The following TNIK variants were observed in gnomAD, a reference collection of about 807,000 sequenced individuals.
TNIK encodes TRAF2 and NCK-interacting protein kinase.
Under a neutral mutation model 191.3 loss-of-function variants are expected in TNIK, and 49 were observed. The ratio of observed to expected loss-of-function variants is 0.26; its 90% CI spans 0.20 to 0.32. The LOEUF (loss-of-function observed/expected upper bound fraction) is 0.32. Among genes scored for constraint, TNIK ranks in the 10% least tolerant of loss-of-function variants. The pLI is 1.00. For synonymous variants in TNIK, 594 were observed against 600.9 expected (o/e 0.99, Z 0.17); for missense variants, 1,155 against 1,702.3 (o/e 0.68, Z 5.66).
chr3:171,142,398 G>A (rs563664979), intron 12 of TNIK, among the ~76,000 whole-genome samples: 7 of 152,332 alleles, frequency 4.6e-5, no homozygotes, highest in Admixed American at 4.6e-4. Flanking sequence ...TGGAGACACA[G>A]CCAAGAGGAA....
intron 25 of TNIK, among the ~76,000 whole-genome samples, chr3:171,084,636 G>A (rs1721113004): frequency 1.3e-5 from 2 of 152,228 alleles, no homozygotes; most frequent in Non-Finnish European, 2.9e-5. Context: ...TTTTAAAATT[G>A]CAGTTTATCA....
chr3:171,192,666 C>T (rs1738201291), intron 5 of TNIK, among the ~76,000 whole-genome samples: 1 of 152,294 alleles, frequency 6.6e-6, no homozygotes, highest in South Asian at 2.1e-4. Flanking sequence ...GCAGAACCAG[C>T]CCTAGAGACC....
In TNIK at chr3:171,130,626, A is replaced by C. The variant is rs563950610; in HGVS notation, c.1609-1748T>G. Reference sequence around the variant, plus strand: ...GCAATAGATAAACTGAGATCAAGGCATGCAATATATCACTTTTCCAAATGC... The same window carrying C: ...GCAATAGATAAACTGAGATCAAGGCCTGCAATATATCACTTTTCCAAATGC... On this transcript the variant is annotated intron_variant, in intron 15 of 32. Coordinates refer to ENST00000436636, the MANE Select transcript of TNIK (RefSeq NM_015028.4). Among the ~76,000 whole-genome samples, 12 of 152,388 alleles carry C rather than the reference A, an allele frequency of 7.9e-5. No homozygotes were observed. The South Asian group carries it at 2.3e-3, about 29-fold the overall frequency.
intron 2 of TNIK, among the ~76,000 whole-genome samples, chr3:171,229,320 C>A (rs1743332982): frequency 6.6e-6 from 1 of 152,158 alleles, no homozygotes; most frequent in African/African-American, 2.4e-5. Flanking sequence ...AAGGCAAGGA[C>A]CATGTCTCAT....
rs1371219801 is a variant in TNIK, at chr3:171,072,440, A to C, written c.3449-1117T>G. ...GCATTGAAGGAACATACCTCAAAAT[A>C]ATAAGAGCCATATATGACAAACCCA... On this transcript the variant is annotated intron_variant, in intron 28 of 32. Transcript: ENST00000436636. Among the ~76,000 whole-genome samples, 4 of 152,150 alleles carry C rather than the reference A, an allele frequency of 2.6e-5. No individual in the cohort carries two copies. In the East Asian group the frequency reaches 7.7e-4, roughly 29 times the overall value.
intron 26 of TNIK, among the ~76,000 whole-genome samples, chr3:171,083,766 G>C (rs1342040814): frequency 6.6e-6 from 1 of 152,104 alleles, no homozygotes; most frequent in Non-Finnish European, 1.5e-5. Context: ...TGCAGGATGT[G>C]GTATGGATCA....
intron 17 of TNIK, among the ~76,000 whole-genome samples, chr3:171,124,755 G>A (rs1560148413): frequency 6.6e-6 from 1 of 152,134 alleles, no homozygotes; most frequent in Admixed American, 6.5e-5. Flanking sequence ...AGACAGAAGA[G>A]CCTAACGAAT....
intron 22 of TNIK, among the ~76,000 whole-genome samples, chr3:171,096,705 C>T (rs1171668880): frequency 6.6e-6 from 1 of 152,142 alleles, no homozygotes. Flanking sequence ...GCCCTTTGTG[C>T]ATCTCTACCA....
intron 18 of TNIK, among the ~76,000 whole-genome samples, chr3:171,116,776 T>G (rs1726765831): frequency 6.6e-6 from 1 of 152,264 alleles, no homozygotes; most frequent in Non-Finnish European, 1.5e-5. Flanking sequence ...AAAGAATACA[T>G]ACATCAATGT....
Position 171,460,299 on chromosome 3 carries a change from G to A in TNIK, c.-236C>T. The A allele has an allele frequency of 1.7e-6, 1 of 592,854 alleles. No individual in the cohort carries two copies. The allele number at this position is 592,854 out of a possible 1,614,324, so 36.7% of individuals were successfully genotyped here. ...CTCCAAGCCCCGAGCAGCGGTGCGT[G>A]TGGGCTGAGCGCCCCGATCGGCTAA... On this transcript the variant is annotated 5_prime_UTR_variant, in exon 1 of 33. Transcript: ENST00000436636. This position sits in a 1 kb window ranked among gnomAD's most constrained non-coding sequence, Gnocchi z 6.8.
chr3:171,408,454 C>T lies in TNIK; in HGVS notation c.58-38769G>A, dbSNP rs75168375. On this transcript the variant is annotated intron_variant, in intron 1 of 32. Transcript: ENST00000436636. The stretch of plus-strand genomic sequence containing the variant: ...AAGGTGGCTGGAGGAAAGGGCTATC[C>T]GATTCATTCCGCCATGAAGGACTTT... Among the ~76,000 whole-genome samples the T allele has an allele frequency of 1.4e-3, 207 of 152,256 alleles. 1 individual carries two copies. The highest frequency in any genetic ancestry group is 4.8e-3 in the African/African-American group (200 of 41,544).
At chr3:171,320,006 G>C (rs1035723624) in intron 2 of TNIK, among the ~76,000 whole-genome samples, 3 of 152,156 alleles carry the variant, frequency 2.0e-5, no homozygotes, top group Admixed American at 6.5e-5. Context: ...AAGCGTAGGA[G>C]AGGAGAGTTT....
At chr3:171,287,872 T>C (rs1213891881) in intron 2 of TNIK, among the ~76,000 whole-genome samples, 1 of 152,090 alleles carries the variant, frequency 6.6e-6, no homozygotes, top group Non-Finnish European at 1.5e-5. Flanking sequence ...TGCACACGTA[T>C]GTTTATTGCG....
rs186719872 is a variant in TNIK, at chr3:171,322,655, C to T, written c.123+46965G>A. On this transcript the variant is annotated intron_variant, in intron 2 of 32. Transcript: ENST00000436636. ...CCATATACGCACATATGCAGGTAGG[C>T]AAACATACAGAAAAACACAAAATGG... 3.7e-3 allele frequency among the ~76,000 whole-genome samples: 563 copies of T among 152,100 alleles called. 1 individual carries two copies. The highest frequency in any genetic ancestry group is 5.4e-3 in the Non-Finnish European group (368 of 67,990).
At chr3:171,292,970 C>T (rs1307895329) in intron 2 of TNIK, among the ~76,000 whole-genome samples, 1 of 152,030 alleles carries the variant, frequency 6.6e-6, no homozygotes, top group African/African-American at 2.4e-5. Flanking sequence ...CTTCGGCTGC[C>T]CTGTGTCATT....
rs147869582 is a variant in TNIK at position 171,291,819 on chromosome 3, T to G, written c.124-63598A>C. Among the ~76,000 whole-genome samples the G allele has an allele frequency of 1.8e-3, 270 of 152,288 alleles. 3 individuals are homozygous for G. Among genetic ancestry groups the G allele is most frequent in the African/African-American group, 6.1e-3 (255 of 41,570 alleles). ...ATTTGGTCATTATCTCATCAATATTTTTTCTGTTCCACTCTTTCTCCTTTC... is the reference window on the plus strand; with the variant it reads ...ATTTGGTCATTATCTCATCAATATTGTTTCTGTTCCACTCTTTCTCCTTTC... On this transcript the variant is annotated intron_variant, in intron 2 of 32. Transcript: ENST00000436636.
chr3:171,126,016 G>T lies in TNIK; in HGVS notation c.1909C>A (p.Arg637Ser), dbSNP rs754231377. 1 of 1,613,962 alleles carries T rather than the reference G, an allele frequency of 6.2e-7. No homozygotes were observed. The highest frequency in any genetic ancestry group is 1.7e-5 in the Admixed American group (1 of 60,026). The change falls in exon 17 of 33, where the codon CGC (arginine) becomes AGC (serine). Residue 637 changes from arginine to serine, a missense_variant. Arg to Ser is a moderately radical substitution (Grantham distance 110, BLOSUM62 -1). Around this residue, in one of 3 missense-constraint regions of TNIK, gnomAD observed 735 missense variants for 848.0 expected, o/e 0.87. Transcript: ENST00000436636. Reference protein sequence around the residue: ...NVTSHRVEMPRQNSDPTSENP... With the variant: ...NVTSHRVEMPSQNSDPTSENP... ...TCCGAGGTGGGATCTGAGTTCTGGCGTGGCATCTCCACGCGGTGGGAGGTC... is the reference window on the plus strand; with the variant it reads ...TCCGAGGTGGGATCTGAGTTCTGGCTTGGCATCTCCACGCGGTGGGAGGTC...
intron 3 of TNIK, among the ~76,000 whole-genome samples, chr3:171,216,154 C>T (rs1741429064): frequency 6.6e-6 from 1 of 152,050 alleles, no homozygotes; most frequent in Admixed American, 6.6e-5. Context: ...TCACAGGCTA[C>T]GAGAATTTGA....
At chr3:171,271,874 T>C (rs13084442) in intron 2 of TNIK, among the ~76,000 whole-genome samples, 80,585 of 152,094 alleles carry the variant, frequency 0.53, 22,269 homozygotes, top group African/African-American at 0.65. Flanking sequence ...GTTCCAATTA[T>C]GTTTAATTCT....
Sources: allele counts gnomAD v4.1 joint callset (sites outside exome capture counted in the v4.1 genomes callset), GRCh38; gene constraint gnomAD v4.1.1; regional missense constraint gnomAD v4.1.1; non-coding constraint Gnocchi (gnomAD v3.1); transcripts MANE v1.5; gene names NCBI Gene and HGNC (gene_info 2026-07-23, HGNC 2026-07-21).